Variants in MCM10 observed in about 807,000 individuals in gnomAD.
MCM10 encodes protein MCM10 homolog.
In MCM10, 91 loss-of-function variants were observed where a neutral mutation model predicts 109.9. That is an observed-to-expected ratio of 0.83 (90% CI 0.70 to 0.99). The LOEUF (loss-of-function observed/expected upper bound fraction) is 0.99. MCM10 is among the 50% of genes least tolerant of loss of function. The pLI is 0.00. For synonymous variants in MCM10, 380 were observed against 387.2 expected (o/e 0.98, Z 0.22); for missense variants, 1,077 against 1,061.2 (o/e 1.01, Z -0.21).
rs1834624739 is a variant in MCM10, at chr10:13,209,137, T to C, written c.2541+4T>C. On this transcript the variant is annotated splice_donor_region_variant and intron_variant, in intron 19 of 19. Coordinates refer to ENST00000378714, the MANE Select transcript of MCM10 (RefSeq NM_018518.5). ...GGAACGGGACGGAATGCTAAAGGTA[T>C]GCCATTTGCGTACTAATTTTTGACT... is the stretch of plus-strand genomic sequence containing the variant. 4 of 1,611,892 alleles carry C rather than the reference T, an allele frequency of 2.5e-6. No homozygotes were observed. The Admixed American group carries it at 6.7e-5, about 27-fold the overall frequency.
intron 18 of MCM10, among the ~76,000 whole-genome samples, chr10:13,205,017 T>C (rs1438129460): frequency 5.2e-5 from 1 of 19,234 alleles, no homozygotes; most frequent in Non-Finnish European, 1.6e-4. Flanking sequence ...TATATATATA[T>C]ATATATATAT....
chr10:13,199,075 T>C lies in MCM10; in HGVS notation c.2238+268T>C, dbSNP rs61852864. Among the ~76,000 whole-genome samples, 452 of 152,294 alleles carry C rather than the reference T, an allele frequency of 3.0e-3. 1 individual carries two copies. The highest frequency in any genetic ancestry group is 0.017 in the Middle Eastern group (5 of 294). On this transcript the variant is annotated intron_variant, in intron 16 of 19. Coordinates refer to ENST00000378714, the MANE Select transcript of MCM10 (RefSeq NM_018518.5). ...CACACGAAGCAAATTTTTGTGTTTT[T>C]AGTAGGGACAGAGTTTCACCGTGTT...
rs1407822554 is a variant in MCM10 at position 13,180,557 on chromosome 10, G to T, written c.880G>T (p.Val294Leu). The change falls in exon 7 of 20, where the codon GTG (valine) becomes TTG (leucine). Residue 294 changes from valine to leucine, a missense_variant. Val to Leu is a conservative substitution (Grantham distance 32). Transcript: ENST00000378714. ...AGAGAAGCTGGAAGAAATAGATTGG[G>T]TGACATTTGGGGTTATATTGAAGAA... ...AREKLEEIDW[V>L]TFGVILKKVT... The T allele has an allele frequency of 1.2e-6, 2 of 1,614,148 alleles. No homozygotes were observed. The highest frequency in any genetic ancestry group is 1.3e-5 in the African/African-American group (1 of 75,040).
chr10:13,165,828 T>G (rs1833989265), intron 2 of MCM10, among the ~76,000 whole-genome samples: 3 of 133,358 alleles, frequency 2.2e-5, no homozygotes, highest in Non-Finnish European at 4.6e-5. Flanking sequence ...TGCATCGAGA[T>G]CCCACTACTG....
intron 2 of MCM10, among the ~76,000 whole-genome samples, chr10:13,169,075 C>T (rs77547513): frequency 0.042 from 6,370 of 152,286 alleles, 178 homozygotes; most frequent in Admixed American, 0.076. Flanking sequence ...ACCACGTGTA[C>T]AGTAAAGAAA....
intron 8 of MCM10, among the ~76,000 whole-genome samples, chr10:13,184,886 C>T (rs1005322142): frequency 6.6e-6 from 1 of 152,114 alleles, no homozygotes; most frequent in African/African-American, 2.4e-5. Flanking sequence ...CACTGTTTAC[C>T]AGTCCTGTGG....
At chr10:13,166,681 T>TAC (rs1834005281) in intron 2 of MCM10, among the ~76,000 whole-genome samples, 1 of 131,592 alleles carries the variant, frequency 7.6e-6, no homozygotes, top group African/African-American at 2.7e-5. Flanking sequence ...TATATATATA[T>TAC]ATATATATCA....
At position 13,174,134 on chromosome 10, in the gene MCM10, A is replaced by ATT. The variant is rs139116646; in HGVS notation, c.593-1351_593-1350dup. ...AGAAGAAAAGGGGAGCTAGTTTTGG[A>ATT]TTTTTTTTTTTTTTTTTTTTTTTTT... On this transcript the variant is annotated intron_variant, in intron 5 of 19. Coordinates refer to ENST00000378714, the MANE Select transcript of MCM10 (RefSeq NM_018518.5). Among the ~76,000 whole-genome samples the ATT allele has an allele frequency of 5.8e-3, 437 of 75,156 alleles. 13 individuals carry two copies. The highest frequency in any genetic ancestry group is 9.8e-3 in the African/African-American group (206 of 20,954). The allele number at this position is 75,156 out of a possible 152,430, so 49.3% of individuals were successfully genotyped here. A position where few individuals can be genotyped will look rare whatever the true frequency, so the allele number is the denominator to read the frequency against.
intron 2 of MCM10, among the ~76,000 whole-genome samples, chr10:13,169,046 C>T (rs1447249387): frequency 6.6e-6 from 1 of 152,182 alleles, no homozygotes; most frequent in South Asian, 2.1e-4. Flanking sequence ...TTCAACATGG[C>T]GGCCCTTTTT....
At chr10:13,178,371 G>C (rs1185350782) in intron 6 of MCM10, among the ~76,000 whole-genome samples, 5 of 152,234 alleles carry the variant, frequency 3.3e-5, no homozygotes, top group Admixed American at 1.3e-4. Flanking sequence ...TTACAGGCGT[G>C]AGCCACGGTG....
At chr10:13,198,626 A>T in intron 15 of MCM10, 63 bp from the exon 16 acceptor site, 1 of 1,049,978 alleles carries the variant, frequency 9.5e-7, no homozygotes, top group Non-Finnish European at 1.5e-6. Context: ...AGTAGAGTTG[A>T]TGAGGCGCAC....
intron 11 of MCM10, among the ~76,000 whole-genome samples, chr10:13,192,040 C>G (rs773812691): frequency 3.9e-5 from 6 of 152,164 alleles, no homozygotes; most frequent in Non-Finnish European, 4.4e-5. Context: ...GCTTAATATT[C>G]TAATCATTAC....
chr10:13,183,793 T>C (rs372178350), intron 8 of MCM10, among the ~76,000 whole-genome samples: 1 of 152,120 alleles, frequency 6.6e-6, no homozygotes, highest in East Asian at 1.9e-4. Flanking sequence ...TAAGTGATAC[T>C]TCCACTTCTG....
At chr10:13,179,675 T>TA (rs1307189596) in intron 6 of MCM10, among the ~76,000 whole-genome samples, 4 of 152,190 alleles carry the variant, frequency 2.6e-5, no homozygotes, top group Non-Finnish European at 5.9e-5. Flanking sequence ...AATAAGAATA[T>TA]ATTAATTGAA....
intron 11 of MCM10, among the ~76,000 whole-genome samples, chr10:13,191,781 G>A (rs1200806497): frequency 7.2e-5 from 11 of 152,144 alleles, no homozygotes; most frequent in Non-Finnish European, 8.8e-5. Flanking sequence ...ATTTCTTGGT[G>A]TATCTGGGTC....
intron 6 of MCM10, among the ~76,000 whole-genome samples, chr10:13,177,908 G>A (rs1428188859): frequency 6.6e-6 from 1 of 151,546 alleles, no homozygotes; most frequent in Non-Finnish European, 1.5e-5. Flanking sequence ...AGAATGACTC[G>A]GACTTATATG....
In MCM10 at chr10:13,189,010, C is replaced by A. The variant is rs1448132424; in HGVS notation, c.1345C>A (p.Leu449Ile). The change falls in exon 10 of 20, where the codon CTC becomes ATC. Residue 449 changes from leucine to isoleucine, a missense_variant. Transcript: ENST00000378714. ...GAAGTTTGCCCGCAGAGGCACCAGC[C>A]TCAAAGAACGGCTGTGCCAAGATGG... is the stretch of plus-strand genomic sequence containing the variant. Reference protein sequence around the residue: ...PKKFARRGTSLKERLCQDGFY... With the variant: ...PKKFARRGTSIKERLCQDGFY... 6.2e-7 allele frequency: 1 copy of A among 1,614,254 alleles called. No individual in the cohort carries two copies. Among genetic ancestry groups the A allele is most frequent in the Admixed American group, 1.7e-5 (1 of 60,026 alleles).
intron 2 of MCM10, among the ~76,000 whole-genome samples, chr10:13,166,559 T>A (rs1833999398): frequency 6.7e-6 from 1 of 148,156 alleles, no homozygotes; most frequent in African/African-American, 2.5e-5. Flanking sequence ...CACTTGAACC[T>A]GGGAGGTGAA....
chr10:13,179,881 C>T (rs1408272071), intron 6 of MCM10, among the ~76,000 whole-genome samples: 1 of 152,162 alleles, frequency 6.6e-6, no homozygotes, highest in African/African-American at 2.4e-5. Context: ...AATTTAAGAG[C>T]TTAAAGGATT....
Sources: allele counts gnomAD v4.1 joint callset (sites outside exome capture counted in the v4.1 genomes callset), GRCh38; gene constraint gnomAD v4.1.1; transcripts MANE v1.5; gene names NCBI Gene and HGNC (gene_info 2026-07-23, HGNC 2026-07-21).